Variants in ZDHHC23 observed in about 807,000 individuals in gnomAD.
ZDHHC23 encodes the protein zDHHC palmitoyltransferase 23.
ZDHHC23 carries 41 observed loss-of-function variants against 40.2 expected under a neutral mutation model. That is an observed-to-expected ratio of 1.02 (90% CI 0.79 to 1.32). The LOEUF (loss-of-function observed/expected upper bound fraction) is 1.32. ZDHHC23 is among the 40% of genes most tolerant of loss of function. ZDHHC23 has a pLI of 0.00. For missense variants in ZDHHC23, 471 were observed against 541.5 expected, an observed-to-expected ratio of 0.87 and a Z score of 1.29; for synonymous variants, 204 against 210.2, an observed-to-expected ratio of 0.97 and a Z score of 0.26.
chr3:113,965,878 G>A (rs539144888), downstream of ZDHHC23, among the ~76,000 whole-genome samples: 1 of 152,146 alleles, frequency 6.6e-6, no homozygotes, highest in African/African-American at 2.4e-5. Context: ...TACAGGTGTG[G>A]GCCACTGTGC....
At chr3:113,970,967 T>C in the ZDHHC23 span, among the ~76,000 whole-genome samples, 1 of 152,176 alleles carries the variant, frequency 6.6e-6, no homozygotes, top group Non-Finnish European at 1.5e-5. Flanking sequence ...CAGTCTATCA[T>C]TGTTGGACAT....
chr3:113,975,224 T>C, the ZDHHC23 span, among the ~76,000 whole-genome samples: 15 of 152,336 alleles, frequency 9.8e-5, no homozygotes, highest in Middle Eastern at 6.8e-3. Context: ...TATAAAATTA[T>C]CCGGAAGTGA....
chr3:113,965,877 G>A (rs766850364), downstream of ZDHHC23, among the ~76,000 whole-genome samples: 2 of 152,158 alleles, frequency 1.3e-5, no homozygotes, highest in Non-Finnish European at 2.9e-5. Flanking sequence ...TTACAGGTGT[G>A]GGCCACTGTG....
At chr3:113,966,763 A>C (rs1225641417), downstream of ZDHHC23, among the ~76,000 whole-genome samples, 1 of 152,074 alleles carries the variant, frequency 6.6e-6, no homozygotes, top group Non-Finnish European at 1.5e-5. Flanking sequence ...GTTGGTTAAT[A>C]TTTTTGATAA....
At chr3:113,973,131 T>G in the ZDHHC23 span, among the ~76,000 whole-genome samples, 1 of 152,228 alleles carries the variant, frequency 6.6e-6, no homozygotes, top group Non-Finnish European at 1.5e-5. Flanking sequence ...CCTGTCTTCC[T>G]TTCTTACTGT....
At chr3:113,950,881 A>T (rs991184243) in intron 2 of ZDHHC23, among the ~76,000 whole-genome samples, 2 of 152,272 alleles carry the variant, frequency 1.3e-5, no homozygotes, top group Non-Finnish European at 2.9e-5. Flanking sequence ...AGACATTCCC[A>T]TTCCAAAAGG....
At chr3:113,954,671 C>T (rs1451554830) in intron 3 of ZDHHC23, among the ~76,000 whole-genome samples, 2 of 151,814 alleles carry the variant, frequency 1.3e-5, no homozygotes, top group Admixed American at 6.6e-5. Context: ...TGAATGACTC[C>T]TCATTTATCT....
At chr3:113,952,651 C>T (rs1938788904) in intron 2 of ZDHHC23, among the ~76,000 whole-genome samples, 1 of 152,220 alleles carries the variant, frequency 6.6e-6, no homozygotes, top group African/African-American at 2.4e-5. Flanking sequence ...CTAGTCTGTT[C>T]AGGCTGCTGT....
At chr3:113,963,518 C>G (rs1187862648), downstream of ZDHHC23, among the ~76,000 whole-genome samples, 1 of 138,356 alleles carries the variant, frequency 7.2e-6, no homozygotes, top group Non-Finnish European at 1.5e-5. Flanking sequence ...GAGAGGATCA[C>G]TTGAGCCCAG....
downstream of ZDHHC23, chr3:113,965,495 G>A (rs970940017): frequency 5.1e-5 from 24 of 467,982 alleles, 1 homozygote; most frequent in Admixed American, 8.8e-4. Flanking sequence ...TCACAATCGG[G>A]ATTATGACAG....
intron 2 of ZDHHC23, among the ~76,000 whole-genome samples, chr3:113,950,385 C>T (rs1938547613): frequency 6.6e-6 from 1 of 152,132 alleles, no homozygotes; most frequent in South Asian, 2.1e-4. Context: ...CTGGCAGATT[C>T]AGTGTCTGGT....
At chr3:113,977,473 C>T in the ZDHHC23 span, among the ~76,000 whole-genome samples, 2 of 152,086 alleles carry the variant, frequency 1.3e-5, no homozygotes, top group African/African-American at 4.8e-5. Context: ...AAATATAAAA[C>T]TTACTTATAC....
At chr3:113,970,227 T>C (rs1238211587), downstream of ZDHHC23, among the ~76,000 whole-genome samples, 1 of 151,992 alleles carries the variant, frequency 6.6e-6, no homozygotes, top group Non-Finnish European at 1.5e-5. Context: ...TGAATTTGTT[T>C]GTCAGATCTA....
chr3:113,979,061 TAAAC>T, the ZDHHC23 span: 72 of 1,528,914 alleles, frequency 4.7e-5, no homozygotes, highest in African/African-American at 4.6e-4. Context: ...TTAAATCATT[TAAAC>T]AAACACATCA....
intron 3 of ZDHHC23, among the ~76,000 whole-genome samples, chr3:113,955,704 CCCTTT>C (rs755389328): frequency 5.9e-5 from 9 of 152,224 alleles, no homozygotes; most frequent in Non-Finnish European, 1.3e-4. Flanking sequence ...CTATTTATCT[CCCTTT>C]CCTTAACATG....
intron 2 of ZDHHC23, among the ~76,000 whole-genome samples, chr3:113,952,157 TCC>T (rs2107456147): frequency 6.6e-6 from 1 of 152,166 alleles, no homozygotes; most frequent in East Asian, 1.9e-4. Context: ...AAAATTTCTC[TCC>T]TGCATTTTAC....
At chr3:113,957,745 TG>T (rs769980502) in intron 4 of ZDHHC23, 52 of 518,840 alleles carry the variant, frequency 1.0e-4, no homozygotes, top group South Asian at 7.1e-4. Context: ...AGAGGCTAAC[TG>T]GCAGCCTGTC....
At position 113,959,838 on chromosome 3, in the gene ZDHHC23, A is replaced by G. The variant is rs1402510086; in HGVS notation, c.*1208A>G. The G allele has an allele frequency of 5.9e-6, 6 of 1,020,008 alleles. No homozygotes were observed. The highest frequency in any genetic ancestry group is 1.7e-5 in the African/African-American group (1 of 59,912). The allele number at this position is 1,020,008 out of a possible 1,614,324, so 63.2% of individuals were successfully genotyped here. A position where few individuals can be genotyped will look rare whatever the true frequency, so the allele number is the denominator to read the frequency against. ...AAACAGGGTATATGTGGTTTCCACTATTAATGGATTACTGTTCTTCCCTGG... is the reference window on the plus strand; with the variant it reads ...AAACAGGGTATATGTGGTTTCCACTGTTAATGGATTACTGTTCTTCCCTGG... On this transcript the variant is annotated 3_prime_UTR_variant, in exon 5 of 5. Coordinates refer to ENST00000638807, the MANE Select transcript of ZDHHC23 (RefSeq NM_001320466.2).
chr3:113,966,698 T>C (rs899970958), downstream of ZDHHC23, among the ~76,000 whole-genome samples: 28 of 152,324 alleles, frequency 1.8e-4, 1 homozygote, highest in Admixed American at 1.2e-3. Flanking sequence ...TTCTGGCCTC[T>C]TGACCATCTG....
Sources: allele counts gnomAD v4.1 joint callset (sites outside exome capture counted in the v4.1 genomes callset), GRCh38; gene constraint gnomAD v4.1.1; transcripts MANE v1.5; gene names NCBI Gene and HGNC (gene_info 2026-07-23, HGNC 2026-07-21).